Variants in SRP72 observed in about 807,000 individuals in gnomAD.
SRP72 encodes the protein signal recognition particle subunit SRP72.
In SRP72, 49 loss-of-function variants were observed where a neutral mutation model predicts 96.3. The observed-to-expected ratio is 0.51, with a 90% confidence interval of 0.40 to 0.65. The LOEUF (loss-of-function observed/expected upper bound fraction) is 0.65. Among genes scored for constraint, SRP72 ranks in the 30% least tolerant of loss-of-function variants. SRP72 has a pLI of 0.00. For missense variants in SRP72, 736 were observed against 793.3 expected (o/e 0.93, Z 0.87); for synonymous variants, 267 against 275.2 (o/e 0.97, Z 0.30).
intron 17 of SRP72, among the ~76,000 whole-genome samples, chr4:56,496,904 G>A (rs190501392): frequency 6.0e-4 from 91 of 152,140 alleles, no homozygotes; most frequent in African/African-American, 2.0e-3. Flanking sequence ...CAGGAGAATC[G>A]CCTGAACCCG....
intron 16 of SRP72, 136 bp downstream of exon 16, chr4:56,491,704 C>A: frequency 2.4e-6 from 2 of 834,966 alleles, no homozygotes; most frequent in East Asian, 2.8e-5. Flanking sequence ...TCACTGTGCC[C>A]AGCTCTTTGT....
At chr4:56,499,423 A>G (rs1721184108) in intron 17 of SRP72, among the ~76,000 whole-genome samples, 2 of 152,234 alleles carry the variant, frequency 1.3e-5, no homozygotes, top group Non-Finnish European at 2.9e-5. Flanking sequence ...AAAAGAAGCT[A>G]TCATCAGAGT....
intron 16 of SRP72, among the ~76,000 whole-genome samples, chr4:56,493,630 C>A (rs2110129568): frequency 6.6e-6 from 1 of 152,040 alleles, no homozygotes; most frequent in Admixed American, 6.5e-5. Flanking sequence ...TTTGGGAGGC[C>A]AAGGCAGGCG....
At chr4:56,500,839 T>C in intron 18 of SRP72, 144 bp downstream of exon 18, 1 of 768,638 alleles carries the variant, frequency 1.3e-6, no homozygotes, top group Non-Finnish European at 1.9e-6. Context: ...CTTATGCAAA[T>C]GAAAGAAAAT....
At position 56,502,026 on chromosome 4, in the gene SRP72, G is replaced by C. The variant is rs537974007; in HGVS notation, c.*165G>C. On this transcript the variant is annotated 3_prime_UTR_variant, in exon 19 of 19. Coordinates refer to ENST00000642900, the MANE Select transcript of SRP72 (RefSeq NM_006947.4). The stretch of plus-strand genomic sequence containing the variant: ...AAACATCTTCCTCAAAGTCTGCCTA[G>C]TGAGATATGGCCTACTGGTTGCCTC... 4.2e-5 allele frequency: 31 copies of C among 733,302 alleles called. 1 individual carries two copies. The South Asian group carries it at 5.6e-4, about 13-fold the overall frequency. The allele number at this position is 733,302 out of a possible 1,614,324, so 45.4% of individuals were successfully genotyped here.
intron 9 of SRP72, among the ~76,000 whole-genome samples, chr4:56,483,666 C>G (rs1034116585): frequency 6.7e-6 from 1 of 149,396 alleles, no homozygotes; most frequent in African/African-American, 2.5e-5. Context: ...GAGACTGTCT[C>G]CAAAAAGAAA....
rs143183363 is a variant in SRP72, at chr4:56,501,421, ACT to A, written c.1839-260_1839-259del. ...ATTCCAGCCTGAGGGACAGAGCAAG[ACT>A]CTGTCTCAAAAAAATAAAATTTTTT... On this transcript the variant is annotated intron_variant, in intron 18 of 18. Coordinates refer to ENST00000642900, the MANE Select transcript of SRP72 (RefSeq NM_006947.4). Among the ~76,000 whole-genome samples the A allele has an allele frequency of 0.075, 11,454 of 151,828 alleles. 500 individuals are homozygous for A. The highest frequency in any genetic ancestry group is 0.12 in the Admixed American group (1,865 of 15,228).
chr4:56,487,035 C>G (rs1387633851), intron 11 of SRP72, among the ~76,000 whole-genome samples: 3 of 152,174 alleles, frequency 2.0e-5, no homozygotes, highest in Admixed American at 2.0e-4. Context: ...CTAGCCACAT[C>G]TTAGAAGCTT....
intron 16 of SRP72, among the ~76,000 whole-genome samples, chr4:56,493,419 C>T (rs760605300): frequency 1.3e-5 from 2 of 152,160 alleles, no homozygotes; most frequent in Non-Finnish European, 2.9e-5. Context: ...TTTCATTATG[C>T]ATTATTAATG....
At chr4:56,471,672 T>C in intron 2 of SRP72, 48 bp from the exon 3 acceptor site, 1 of 1,600,346 alleles carries the variant, frequency 6.2e-7, no homozygotes, top group Non-Finnish European at 8.5e-7. Flanking sequence ...AATGGGTGCA[T>C]TGCATTGTTA....
intron 8 of SRP72, 135 bp downstream of exon 8, chr4:56,478,784 T>G: frequency 1.3e-6 from 1 of 772,488 alleles, no homozygotes; most frequent in South Asian, 1.9e-5. Context: ...AAAATCACAA[T>G]GGATAGTATT....
chr4:56,494,593 G>A (rs1331813486), intron 16 of SRP72, among the ~76,000 whole-genome samples: 1 of 151,968 alleles, frequency 6.6e-6, no homozygotes, highest in Non-Finnish European at 1.5e-5. Flanking sequence ...TAGTAGAGAC[G>A]GGGTTTTACT....
rs1232541725 is a variant in SRP72, at chr4:56,503,670, A to T, written c.*1809A>T. 1 of 152,196 alleles carries T rather than the reference A, an allele frequency of 6.6e-6. No individual in the cohort carries two copies. The highest frequency in any genetic ancestry group is 1.9e-4 in the East Asian group (1 of 5,198). The allele number at this position is 152,196 out of a possible 1,614,324, so 9.4% of individuals were successfully genotyped here. A position where few individuals can be genotyped will look rare whatever the true frequency, so the allele number is the denominator to read the frequency against. ...ACATTTTAAAATAAAATATTTTAGCAGTGAATATGGATTAAGGTGTTTTGG... is the reference window on the plus strand; with the variant it reads ...ACATTTTAAAATAAAATATTTTAGCTGTGAATATGGATTAAGGTGTTTTGG... On this transcript the variant is annotated 3_prime_UTR_variant, in exon 19 of 19. Transcript: ENST00000642900.
chr4:56,473,505 A>G (rs1720067869), intron 3 of SRP72, among the ~76,000 whole-genome samples: 1 of 151,586 alleles, frequency 6.6e-6, no homozygotes, highest in Non-Finnish European at 1.5e-5. Context: ...GCGGTGGCTC[A>G]CGCCTGTAAT....
intron 10 of SRP72, chr4:56,486,105 C>G (rs1578188653): frequency 4.6e-6 from 2 of 434,826 alleles, no homozygotes; most frequent in East Asian, 3.5e-5. Context: ...TAGTGACTTA[C>G]AGAAAACTTG....
intron 5 of SRP72, chr4:56,476,293 C>A (rs1033329894): frequency 1.2e-4 from 26 of 210,088 alleles, no homozygotes; most frequent in Admixed American, 1.0e-3. Flanking sequence ...TAAAAACAAA[C>A]AAAAAAAATA....
chr4:56,479,758 A>G (rs1389505837), intron 8 of SRP72, among the ~76,000 whole-genome samples: 1 of 152,100 alleles, frequency 6.6e-6, no homozygotes, highest in Non-Finnish European at 1.5e-5. Flanking sequence ...CTGGGATTCC[A>G]GGGGTGAGCG....
intron 8 of SRP72, among the ~76,000 whole-genome samples, chr4:56,480,684 T>A (rs1344765502): frequency 6.6e-6 from 1 of 152,220 alleles, no homozygotes; most frequent in African/African-American, 2.4e-5. Flanking sequence ...ATTTCTGACT[T>A]TTTCAAAATA....
intron 17 of SRP72, among the ~76,000 whole-genome samples, chr4:56,499,428 CAGAGT>C (rs1430113584): frequency 3.3e-5 from 5 of 152,174 alleles, no homozygotes; most frequent in Non-Finnish European, 7.3e-5. Context: ...AAGCTATCAT[CAGAGT>C]AAACAGCCAA....
Sources: allele counts gnomAD v4.1 joint callset (sites outside exome capture counted in the v4.1 genomes callset), GRCh38; gene constraint gnomAD v4.1.1; transcripts MANE v1.5; gene names NCBI Gene and HGNC (gene_info 2026-07-23, HGNC 2026-07-21).